The following R3HDM1 variants were observed in gnomAD, a reference collection of about 807,000 sequenced individuals.
The protein encoded by R3HDM1 is R3H domain containing 1, also known as R3H domain-containing protein 1.
Under a neutral mutation model 141.1 loss-of-function variants are expected in R3HDM1, and 46 were observed. That is an observed-to-expected ratio of 0.33 (90% confidence interval 0.26 to 0.42). The LOEUF (loss-of-function observed/expected upper bound fraction) is 0.42. R3HDM1 is among the 10% of genes least tolerant of loss of function. The probability of loss-of-function intolerance (pLI) is 1.00; values close to 1 mark genes in which losing one functional copy is unlikely to be tolerated. For synonymous variants in R3HDM1, 435 were observed against 472.9 expected (o/e 0.92, Z 1.04); for missense variants, 1,184 against 1,368.3 (o/e 0.87, Z 2.12).
rs975035469 is a variant in R3HDM1, at chr2:135,653,270, C to T, written c.2028+1238C>T. Among the ~76,000 whole-genome samples the T allele has an allele frequency of 2.6e-5, 4 of 152,008 alleles. 1 individual carries two copies. In the East Asian group the frequency reaches 7.7e-4, roughly 29 times the overall value. ...ACTGGAGAGGCTGAGGCAGGAGAAT[C>T]ACTTGAACCTGGCACATGCAGCTTG... On this transcript the variant is annotated intron_variant, in intron 18 of 26. Coordinates refer to ENST00000683871, the MANE Select transcript of R3HDM1 (RefSeq NM_001378107.1).
intron 1 of R3HDM1, among the ~76,000 whole-genome samples, chr2:135,538,347 T>G (rs912020472): frequency 2.0e-5 from 3 of 152,274 alleles, no homozygotes; most frequent in African/African-American, 7.2e-5. Flanking sequence ...AGCCAGTGAG[T>G]GAATGCAAAG....
intron 1 of R3HDM1, among the ~76,000 whole-genome samples, chr2:135,547,727 A>G (rs1308116489): frequency 6.7e-6 from 1 of 148,254 alleles, no homozygotes; most frequent in Non-Finnish European, 1.5e-5. Flanking sequence ...TAGGAAATAA[A>G]CCTTCTGAGA....
chr2:135,631,801 A>G (rs997979716), intron 8 of R3HDM1, 24 bp downstream of exon 8: 2 of 1,567,082 alleles, frequency 1.3e-6, no homozygotes, highest in African/African-American at 2.8e-5. Context: ...TTCAACAAGA[A>G]AAGAAATTGT....
chr2:135,640,225 TTTAAA>T (rs1178700174), intron 14 of R3HDM1, among the ~76,000 whole-genome samples: 1 of 152,236 alleles, frequency 6.6e-6, no homozygotes, highest in Non-Finnish European at 1.5e-5. Flanking sequence ...TAATCAGTGC[TTTAAA>T]TTATTAAGGC....
rs118173332 is a variant in R3HDM1 at position 135,654,050 on chromosome 2, C to T, written c.2028+2018C>T. ...AGTACATATTCACAGTGTTGTACAA[C>T]CACCACTTCTGTTTGGTTCCAAAAC... On this transcript the variant is annotated intron_variant, in intron 18 of 26. Coordinates refer to ENST00000683871, the MANE Select transcript of R3HDM1 (RefSeq NM_001378107.1). Among the ~76,000 whole-genome samples the T allele has an allele frequency of 4.0e-3, 604 of 152,144 alleles. 7 individuals carry two copies. The highest frequency in any genetic ancestry group is 0.033 in the South Asian group (159 of 4,818).
chr2:135,646,467 C>G (rs1267914983), intron 16 of R3HDM1, among the ~76,000 whole-genome samples: 1 of 151,604 alleles, frequency 6.6e-6, no homozygotes, highest in Non-Finnish European at 1.5e-5. Context: ...TTAACATTAT[C>G]AAAGTTCCTG....
chr2:135,562,407 A>G (rs1701962726), intron 1 of R3HDM1, among the ~76,000 whole-genome samples: 1 of 152,218 alleles, frequency 6.6e-6, no homozygotes, highest in Non-Finnish European at 1.5e-5. Flanking sequence ...TGAGTATTAG[A>G]TGATATGACT....
chr2:135,622,102 A>T, intron 6 of R3HDM1: 1 of 981,748 alleles, frequency 1.0e-6, no homozygotes, highest in Non-Finnish European at 1.2e-6. Flanking sequence ...CAGTATTATA[A>T]ATAGTATAAA....
Position 135,724,262 on chromosome 2 carries a change from T to A in R3HDM1, c.3375T>A (p.Phe1125Leu). Residue 1125 changes from phenylalanine to leucine, a missense_variant, in exon 27 of 27, where the codon TTT (phenylalanine) becomes TTA (leucine). Coordinates refer to ENST00000683871, the MANE Select transcript of R3HDM1 (RefSeq NM_001378107.1). ...KLRTSKKHYD[F>L]HILERASSQ ...GAACAAGCAAGAAGCACTATGACTT[T>A]CACATTTTGGAAAGGGCAAGTTCTC... is the stretch of plus-strand genomic sequence containing the variant. 6.2e-7 allele frequency: 1 copy of A among 1,613,290 alleles called. No homozygotes were observed. Among genetic ancestry groups the A allele is most frequent in the Non-Finnish European group, 8.5e-7 (1 of 1,179,624 alleles).
At chr2:135,680,895 A>C (rs147179945) in intron 21 of R3HDM1, among the ~76,000 whole-genome samples, 1,709 of 152,328 alleles carry the variant, frequency 0.011, 19 homozygotes, top group Middle Eastern at 0.051. Flanking sequence ...TGTTACTCAC[A>C]CAAATGGAGT....
chr2:135,569,718 C>CTTTTTTTTTTTTTTTTTT (rs139858819), intron 1 of R3HDM1, among the ~76,000 whole-genome samples: 1 of 129,358 alleles, frequency 7.7e-6, no homozygotes, highest in African/African-American at 3.9e-5. Flanking sequence ...ATAGTAAGCT[C>CTTTTTTTTTTTTTTTTTT]TTTTTTTTTT....
chr2:135,583,423 A>G (rs1707234604), intron 1 of R3HDM1, among the ~76,000 whole-genome samples: 1 of 152,154 alleles, frequency 6.6e-6, no homozygotes, highest in South Asian at 2.1e-4. Flanking sequence ...ATTATTGGTG[A>G]TGTTAAATTT....
intron 3 of R3HDM1, chr2:135,607,415 G>A (rs2060172011): frequency 3.6e-6 from 3 of 826,874 alleles, no homozygotes; most frequent in Non-Finnish European, 4.4e-6. Context: ...AAGCATTTAG[G>A]CCCCACTTAT....
At chr2:135,630,853 A>G (rs1169242888) in intron 7 of R3HDM1, among the ~76,000 whole-genome samples, 1 of 152,120 alleles carries the variant, frequency 6.6e-6, no homozygotes, top group Non-Finnish European at 1.5e-5. Context: ...AGCACAGGAA[A>G]ATTCTAGAGC....
At chr2:135,699,028 TAGATAGATAGATAGATAAGATAGATAAGA>T (rs2073770593) in intron 21 of R3HDM1, among the ~76,000 whole-genome samples, 1 of 118,416 alleles carries the variant, frequency 8.4e-6, no homozygotes, top group Non-Finnish European at 2.0e-5. Context: ...GATAGATAGA[TAGATAGATAGATAGATAAGATAGATAAGA>T]TAGATTGATT....
chr2:135,585,623 GT>G (rs1707723318), intron 1 of R3HDM1, among the ~76,000 whole-genome samples: 1 of 152,188 alleles, frequency 6.6e-6, no homozygotes, highest in African/African-American at 2.4e-5. Flanking sequence ...TTAGTATTCT[GT>G]TTTATCTTAT....
At chr2:135,569,727 TTGTTGTTG>T (rs1319911040) in intron 1 of R3HDM1, among the ~76,000 whole-genome samples, 2 of 145,218 alleles carry the variant, frequency 1.4e-5, no homozygotes, top group African/African-American at 5.5e-5. Flanking sequence ...TCTTTTTTTT[TTGTTGTTG>T]TTTTTTTTGG....
intron 2 of R3HDM1, among the ~76,000 whole-genome samples, 159 bp downstream of exon 2, chr2:135,602,867 T>TA (rs1288295217): frequency 6.6e-6 from 1 of 151,748 alleles, no homozygotes; most frequent in East Asian, 1.9e-4. Context: ...GGGTTATAAT[T>TA]AAGGAAGACA....
chr2:135,602,797 A>C, intron 2 of R3HDM1, 89 bp downstream of exon 2: 1 of 1,109,184 alleles, frequency 9.0e-7, no homozygotes, highest in Non-Finnish European at 1.2e-6. Flanking sequence ...AAGTAACTTC[A>C]CCACCCTCTC....
Sources: allele counts gnomAD v4.1 joint callset (sites outside exome capture counted in the v4.1 genomes callset), GRCh38; gene constraint gnomAD v4.1.1; transcripts MANE v1.5; gene names NCBI Gene and HGNC (gene_info 2026-07-23, HGNC 2026-07-21).